Variants in CRKL observed in about 807,000 individuals in gnomAD.
The protein encoded by CRKL is CRK like proto-oncogene, adaptor protein.
In CRKL, 3 loss-of-function variants were observed where a neutral mutation model predicts 23.0. The ratio of observed to expected loss-of-function variants is 0.13; its 90% CI spans 0.06 to 0.34. The LOEUF is 0.34. CRKL is among the 10% of genes least tolerant of loss of function. The probability of loss-of-function intolerance (pLI) is 1.00; values close to 1 mark genes in which losing one functional copy is unlikely to be tolerated. For missense variants in CRKL, 256 were observed against 394.5 expected (o/e 0.65, Z 2.97); for synonymous variants, 188 against 160.7 (o/e 1.17, Z -1.28).
intron 2 of CRKL, 112 bp from the exon 3 acceptor site, chr22:20,949,599 G>A: frequency 2.8e-6 from 4 of 1,422,782 alleles, no homozygotes; most frequent in South Asian, 2.5e-5. Context: ...GAGACCCTGT[G>A]TCTAAATAAT....
chr22:20,924,696 A>G (rs1921129513), intron 1 of CRKL, among the ~76,000 whole-genome samples: 1 of 152,082 alleles, frequency 6.6e-6, no homozygotes, highest in African/African-American at 2.4e-5. Flanking sequence ...CTCTACTAAA[A>G]TACAAAAAAT....
intron 1 of CRKL, among the ~76,000 whole-genome samples, chr22:20,930,673 C>T (rs934589237): frequency 1.4e-5 from 2 of 145,670 alleles, no homozygotes; most frequent in African/African-American, 5.1e-5. Flanking sequence ...AGCCACCACA[C>T]GCCTGGCTTT....
chr22:20,944,812 G>A (rs1921997864), intron 2 of CRKL, among the ~76,000 whole-genome samples: 1 of 150,870 alleles, frequency 6.6e-6, no homozygotes, highest in Non-Finnish European at 1.5e-5. Flanking sequence ...AGAGTGCAGT[G>A]GCACAATTCT....
intron 2 of CRKL, among the ~76,000 whole-genome samples, chr22:20,940,682 G>T (rs1243173746): frequency 6.7e-6 from 1 of 149,336 alleles, no homozygotes; most frequent in African/African-American, 2.5e-5. Context: ...TGTGTCATCT[G>T]TGATTGCGTT....
chr22:20,949,154 C>G (rs1356410722), intron 2 of CRKL, among the ~76,000 whole-genome samples: 1 of 152,088 alleles, frequency 6.6e-6, no homozygotes, highest in Non-Finnish European at 1.5e-5. Context: ...GAGACAGGGT[C>G]TCACTCGGTT....
chr22:20,923,190 G>C (rs760888364), intron 1 of CRKL, among the ~76,000 whole-genome samples: 1 of 152,054 alleles, frequency 6.6e-6, no homozygotes, highest in African/African-American at 2.4e-5. Context: ...AGCAGACTTT[G>C]AGCATTACAT....
chr22:20,932,105 C>T (rs768045496), intron 1 of CRKL, among the ~76,000 whole-genome samples: 22 of 151,906 alleles, frequency 1.4e-4, no homozygotes, highest in Admixed American at 9.8e-4. Context: ...GCCACTGCGC[C>T]GGCCTCTTAT....
chr22:20,934,900 A>G (rs1006427185), intron 2 of CRKL, among the ~76,000 whole-genome samples: 4 of 131,098 alleles, frequency 3.1e-5, no homozygotes, highest in African/African-American at 8.9e-5. Flanking sequence ...TGCAAGCTCC[A>G]CCTCCTGGGT....
In CRKL at chr22:20,950,632, C is replaced by CA. The variant is rs1354392626; in HGVS notation, c.*790dup. 9.3e-6 allele frequency: 2 copies of CA among 215,828 alleles called. No individual in the cohort carries two copies. Among genetic ancestry groups the CA allele is most frequent in the Admixed American group, 5.8e-5 (1 of 17,156 alleles). The allele number at this position is 215,828 out of a possible 1,614,324, so 13.4% of individuals were successfully genotyped here. A position where few individuals can be genotyped will look rare whatever the true frequency, so the allele number is the denominator to read the frequency against. ...TTCATCATGTTGACCAGGCTGGTCT[C>CA]AAACTCCTGACTTCAGGTGATCCAC... On this transcript the variant is annotated 3_prime_UTR_variant, in exon 3 of 3. Coordinates refer to ENST00000354336, the MANE Select transcript of CRKL (RefSeq NM_005207.4).
intron 1 of CRKL, among the ~76,000 whole-genome samples, chr22:20,929,879 G>A (rs1380886940): frequency 2.6e-5 from 4 of 152,208 alleles, no homozygotes; most frequent in Admixed American, 6.5e-5. Context: ...TCTTTAGACA[G>A]TGGGGTCTAA....
chr22:20,932,030 C>G (rs1338752271), intron 1 of CRKL, among the ~76,000 whole-genome samples: 1 of 151,980 alleles, frequency 6.6e-6, no homozygotes, highest in African/African-American at 2.4e-5. Context: ...CCAGGATGGT[C>G]TCGATCTCCT....
chr22:20,943,969 A>T (rs1207622724), intron 2 of CRKL, among the ~76,000 whole-genome samples: 1 of 152,102 alleles, frequency 6.6e-6, no homozygotes, highest in African/African-American at 2.4e-5. Context: ...GAAGTCAAGG[A>T]AGTGTAAGTC....
chr22:20,927,191 A>ATTTTT (rs1921248221), intron 1 of CRKL, among the ~76,000 whole-genome samples: 5 of 38,360 alleles, frequency 1.3e-4, no homozygotes, highest in Admixed American at 2.7e-4. Context: ...CTTGGAATTG[A>ATTTTT]ATTTTTTTTT....
chr22:20,926,628 T>C (rs946461495), intron 1 of CRKL, among the ~76,000 whole-genome samples: 38 of 152,102 alleles, frequency 2.5e-4, no homozygotes, highest in African/African-American at 7.5e-4. Context: ...TGAATACATA[T>C]AGATTTGGGA....
At chr22:20,944,139 C>CTTTTTTTTTTTTTTTTTTTTTTTTT (rs57177824) in intron 2 of CRKL, among the ~76,000 whole-genome samples, 1 of 105,858 alleles carries the variant, frequency 9.4e-6, no homozygotes, top group Non-Finnish European at 1.8e-5. Flanking sequence ...GTAGTATTAG[C>CTTTTTTTTTTTTTTTTTTTTTTTTT]TTTTTTTTTT....
At position 20,953,300 on chromosome 22, in the gene CRKL, GTGTGGACGCTGTGC is replaced by G. The variant is rs1922345164; in HGVS notation, c.*3458_*3471del. 4.3e-6 allele frequency: 1 copy of G among 230,888 alleles called. No individual in the cohort carries two copies. Among genetic ancestry groups the G allele is most frequent in the African/African-American group, 2.2e-5 (1 of 45,122 alleles). 14.3% of individuals were successfully genotyped at this position (230,888 alleles called of 1,614,324 possible). On this transcript the variant is annotated 3_prime_UTR_variant, in exon 3 of 3. Coordinates refer to ENST00000354336, the MANE Select transcript of CRKL (RefSeq NM_005207.4). ...ACTATGCCCCTAGTAACTGCTGTCG[GTGTGGACGCTGTGC>G]TGGTTCTGTTTTCTAAAGGAGCAGA... is the stretch of plus-strand genomic sequence containing the variant.
intron 1 of CRKL, among the ~76,000 whole-genome samples, chr22:20,923,471 G>T (rs1921065327): frequency 1.3e-5 from 2 of 151,788 alleles, no homozygotes; most frequent in Non-Finnish European, 2.9e-5. Context: ...TAGAGACGGG[G>T]TTTCACCGTG....
At chr22:20,922,799 A>C in intron 1 of CRKL, among the ~76,000 whole-genome samples, 1 of 151,956 alleles carries the variant, frequency 6.6e-6, no homozygotes, top group East Asian at 1.9e-4. Flanking sequence ...CAGCCTCCCT[A>C]GTAGCTGGGA....
intron 1 of CRKL, among the ~76,000 whole-genome samples, chr22:20,923,064 T>C (rs1005475578): frequency 6.6e-6 from 1 of 152,174 alleles, no homozygotes; most frequent in Non-Finnish European, 1.5e-5. Flanking sequence ...ACATTTTCCA[T>C]TTCTAGCTTG....
Sources: gnomAD v4.1 joint callset for allele counts (sites outside exome capture counted in the v4.1 genomes callset) on GRCh38, gnomAD v4.1.1 for gene constraint, MANE v1.5 for transcripts, NCBI Gene and HGNC (gene_info 2026-07-23, HGNC 2026-07-21) for gene names.